The following ZNF618 variants were observed in gnomAD, a reference collection of about 807,000 sequenced individuals.
The protein encoded by ZNF618 is neural precursor cell expressed, developmentally down-regulated 10.
Under a neutral mutation model 103.0 loss-of-function variants are expected in ZNF618, and 34 were observed. That is an observed-to-expected ratio of 0.33 (90% CI 0.25 to 0.44). The LOEUF (loss-of-function observed/expected upper bound fraction) is 0.44. ZNF618 is among the 20% of genes least tolerant of loss of function. ZNF618 has a pLI of 1.00. For missense variants in ZNF618, 1,059 were observed against 1,295.4 expected, an observed-to-expected ratio of 0.82 and a Z score of 2.80; for synonymous variants, 551 against 542.2, an observed-to-expected ratio of 1.02 and a Z score of -0.23.
chr9:113,961,527 C>G (rs554515594), intron 1 of ZNF618, among the ~76,000 whole-genome samples: 1 of 152,352 alleles, frequency 6.6e-6, no homozygotes, highest in East Asian at 1.9e-4. Context: ...AGTTCCAGCT[C>G]TTTCAGGCCA....
chr9:114,007,136 A>G (rs2133783173), intron 6 of ZNF618, among the ~76,000 whole-genome samples: 1 of 152,292 alleles, frequency 6.6e-6, no homozygotes, highest in East Asian at 1.9e-4. Context: ...GCTGTCCCCA[A>G]GGCTGCTCAT....
rs541301088 is a variant in ZNF618, at chr9:113,908,146, G to A, written c.33+31733G>A. 2.8e-5 allele frequency among the ~76,000 whole-genome samples: 4 copies of A among 142,410 alleles called. No homozygotes were observed. The East Asian group carries it at 8.5e-4, about 30-fold the overall frequency. 93.4% of individuals were successfully genotyped at this position (142,410 alleles called of 152,430 possible). On this transcript the variant is annotated intron_variant, in intron 1 of 14. Transcript: ENST00000374126. ...AGTCAAAAGAATCTTCATGTCTTGA[G>A]CCTTTGGCTTGGGAAAGTTCAGTGA...
At chr9:113,967,429 A>T (rs1200633216) in intron 1 of ZNF618, among the ~76,000 whole-genome samples, 1 of 152,094 alleles carries the variant, frequency 6.6e-6, no homozygotes, top group Non-Finnish European at 1.5e-5. Context: ...CCCCGACCTC[A>T]CATTTCTCCC....
chr9:113,892,144 G>A (rs6478046), intron 1 of ZNF618, among the ~76,000 whole-genome samples: 94,659 of 151,974 alleles, frequency 0.62, 29,867 homozygotes, highest in African/African-American at 0.69. Context: ...TCTGTTGCAC[G>A]ACAGTGTGAA....
chr9:113,883,998 C>A (rs923968230), intron 1 of ZNF618, among the ~76,000 whole-genome samples: 2 of 55,090 alleles, frequency 3.6e-5, no homozygotes, highest in Non-Finnish European at 1.4e-4. Context: ...CCCCCCCCCC[C>A]CCCCGCCCTG....
At chr9:114,013,643 G>T (rs1479204210) in intron 9 of ZNF618, among the ~76,000 whole-genome samples, 1 of 152,188 alleles carries the variant, frequency 6.6e-6, no homozygotes, top group East Asian at 1.9e-4. Context: ...GTGTTAGCCA[G>T]GATGGTCTTG....
chr9:114,014,712 A>G (rs1383174294), intron 9 of ZNF618, among the ~76,000 whole-genome samples: 2 of 152,218 alleles, frequency 1.3e-5, no homozygotes, highest in Admixed American at 1.3e-4. Flanking sequence ...TTTCCCACAC[A>G]TCAGAATTTT....
At chr9:114,002,169 C>G in intron 5 of ZNF618, 96 bp downstream of exon 5, 2 of 1,076,634 alleles carry the variant, frequency 1.9e-6, no homozygotes, top group Non-Finnish European at 2.8e-6. Context: ...CCCAGAGGCC[C>G]TGACAGCTCC....
intron 1 of ZNF618, among the ~76,000 whole-genome samples, chr9:113,888,002 T>C (rs983188452): frequency 6.6e-6 from 1 of 152,154 alleles, no homozygotes; most frequent in Non-Finnish European, 1.5e-5. Context: ...TCAATATCTA[T>C]TATCTCATTT....
chr9:113,971,666 A>G (rs1837978761), intron 2 of ZNF618, among the ~76,000 whole-genome samples: 1 of 152,130 alleles, frequency 6.6e-6, no homozygotes, highest in Non-Finnish European at 1.5e-5. Flanking sequence ...CTGCCTGGTA[A>G]TTGTAGCCAG....
rs1459950640 is a variant in ZNF618, at chr9:114,051,240, A to G, written c.*1073A>G. The G allele has an allele frequency of 6.6e-6, 1 of 152,558 alleles. No individual in the cohort carries two copies. Among genetic ancestry groups the G allele is most frequent in the African/African-American group, 2.4e-5 (1 of 41,408 alleles). 9.5% of individuals were successfully genotyped at this position (152,558 alleles called of 1,614,324 possible). On this transcript the variant is annotated 3_prime_UTR_variant, in exon 15 of 15. Transcript: ENST00000374126. ...ACTAGCTCATCTCTGTGGTGTACTC[A>G]GTATCCTACAGTCTTTCTTGGCCTT... is the stretch of plus-strand genomic sequence containing the variant.
At chr9:113,878,380 A>G (rs1828158447) in intron 1 of ZNF618, among the ~76,000 whole-genome samples, 1 of 152,192 alleles carries the variant, frequency 6.6e-6, no homozygotes, top group Middle Eastern at 3.2e-3. Context: ...TCAAAATACA[A>G]ACAAAAGCCA....
chr9:113,983,665 C>T (rs1839178759), intron 2 of ZNF618, among the ~76,000 whole-genome samples: 2 of 152,152 alleles, frequency 1.3e-5, no homozygotes, highest in African/African-American at 4.8e-5. Context: ...AAGACATTCC[C>T]CTGTGCCTGA....
At chr9:113,921,668 A>C (rs778743990) in intron 1 of ZNF618, among the ~76,000 whole-genome samples, 1 of 152,228 alleles carries the variant, frequency 6.6e-6, no homozygotes, top group Non-Finnish European at 1.5e-5. Context: ...ATCTGGAAAG[A>C]AGGAAGAAGG....
chr9:113,916,581 A>G (rs1832104683), intron 1 of ZNF618, among the ~76,000 whole-genome samples: 1 of 152,214 alleles, frequency 6.6e-6, no homozygotes, highest in South Asian at 2.1e-4. Flanking sequence ...TGATTGATCA[A>G]TGAGTATCAT....
rs1408014956 is a variant in ZNF618 at position 114,028,882 on chromosome 9, G to A, written c.994G>A (p.Ala332Thr). 5.2e-6 allele frequency: 8 copies of A among 1,550,446 alleles called. No homozygotes were observed. In the East Asian group the frequency reaches 7.3e-5, roughly 14 times the overall value. ...AGCTCCGGCCTCCGTGGTCCGATGT[G>A]CCACCCTCTTACACCGCACCCCTCC... ...KKAPASVVRCATLLHRTPPAT... is the reference protein window; with the variant it reads ...KKAPASVVRCTTLLHRTPPAT... The change falls in exon 11 of 15, where the codon GCC (alanine) becomes ACC (threonine). Residue 332 changes from alanine to threonine, a missense_variant. Coordinates refer to ENST00000374126, the MANE Select transcript of ZNF618 (RefSeq NM_001318042.2).
intron 1 of ZNF618, among the ~76,000 whole-genome samples, chr9:113,905,775 G>C (rs1587997527): frequency 6.6e-6 from 1 of 152,172 alleles, no homozygotes; most frequent in East Asian, 1.9e-4. Flanking sequence ...TCTCTTCTCT[G>C]ATTCCCTCCC....
chr9:113,928,671 T>G (rs1833307344), intron 1 of ZNF618, among the ~76,000 whole-genome samples: 1 of 152,222 alleles, frequency 6.6e-6, no homozygotes, highest in Admixed American at 6.5e-5. Flanking sequence ...CCTGTTGTCT[T>G]TAGATTTCCC....
At chr9:114,030,734 G>A (rs1042116909) in intron 11 of ZNF618, 1 of 152,228 alleles carries the variant, frequency 6.6e-6, no homozygotes, top group African/African-American at 2.4e-5. Flanking sequence ...GGAATAAGTG[G>A]CCCTTCATGT....
Sources: allele counts gnomAD v4.1 joint callset (sites outside exome capture counted in the v4.1 genomes callset), GRCh38; gene constraint gnomAD v4.1.1; transcripts MANE v1.5; gene names NCBI Gene and HGNC (gene_info 2026-07-23, HGNC 2026-07-21).